Variants in DNAI7 observed in about 807,000 individuals in gnomAD.
DNAI7 encodes dynein axonemal intermediate chain 7, also known as cancer susceptibility 1.
A neutral mutation model predicts 86.6 loss-of-function variants in DNAI7; 78 were observed. The observed-to-expected ratio is 0.90, with a 90% confidence interval of 0.75 to 1.09. The LOEUF (loss-of-function observed/expected upper bound fraction) is 1.09. Among genes scored for constraint, DNAI7 ranks in the 50% least tolerant of loss-of-function variants. DNAI7 has a pLI of 0.00. For missense variants in DNAI7, 753 were observed against 810.2 expected (o/e 0.93, Z 0.86); for synonymous variants, 274 against 273.0 (o/e 1.00, Z -0.04).
intron 2 of DNAI7, among the ~76,000 whole-genome samples, chr12:25,167,191 C>A (rs1004157146): frequency 1.3e-5 from 2 of 152,208 alleles, no homozygotes; most frequent in Admixed American, 1.3e-4. Flanking sequence ...TACAAGCCAC[C>A]AGCCCACCTC....
chr12:25,116,860 A>C lies in DNAI7; in HGVS notation c.1397-1990T>G, dbSNP rs866477614. On this transcript the variant is annotated intron_variant, in intron 12 of 15. Transcript: ENST00000395987. ...ACCATTAAAGTGACACCTCTGAAAC[A>C]ATATCAAAAGAGATACAGTTGTTCA... Among the ~76,000 whole-genome samples, 4 of 152,370 alleles carry C rather than the reference A, an allele frequency of 2.6e-5. No homozygotes were observed. The South Asian group carries it at 6.2e-4, about 24-fold the overall frequency.
chr12:25,118,204 A>C (rs1343502161), intron 12 of DNAI7, among the ~76,000 whole-genome samples: 1 of 151,890 alleles, frequency 6.6e-6, no homozygotes, highest in African/African-American at 2.4e-5. Context: ...AAGTGCTGGG[A>C]TTACAGGCGT....
chr12:25,121,429 C>T (rs1322953460), intron 11 of DNAI7, among the ~76,000 whole-genome samples: 1 of 152,170 alleles, frequency 6.6e-6, no homozygotes, highest in Non-Finnish European at 1.5e-5. Flanking sequence ...AAATATTTAC[C>T]ATCTGGCCTG....
At chr12:25,155,821 C>T (rs1304465714) in intron 4 of DNAI7, among the ~76,000 whole-genome samples, 1 of 152,152 alleles carries the variant, frequency 6.6e-6, no homozygotes, top group African/African-American at 2.4e-5. Context: ...CAAAAGAATG[C>T]CCGGATGGAT....
chr12:25,164,299 G>A (rs532196822), intron 2 of DNAI7, among the ~76,000 whole-genome samples: 11 of 150,142 alleles, frequency 7.3e-5, no homozygotes, highest in African/African-American at 2.0e-4. Context: ...CCTTCTCTCC[G>A]TGTCTCTACC....
intron 13 of DNAI7, 26 bp downstream of exon 13, chr12:25,114,630 A>T: frequency 6.7e-7 from 1 of 1,482,840 alleles, no homozygotes; most frequent in Non-Finnish European, 9.4e-7. Context: ...ATACGATAGT[A>T]CATAACAGCT....
At chr12:25,173,245 T>C (rs1948333859) in intron 2 of DNAI7, among the ~76,000 whole-genome samples, 2 of 151,576 alleles carry the variant, frequency 1.3e-5, no homozygotes, top group Admixed American at 1.3e-4. Flanking sequence ...CTCAAGCACA[T>C]CAGTAAGAAA....
intron 6 of DNAI7, among the ~76,000 whole-genome samples, chr12:25,153,659 A>AACTAAC (rs1945823523): frequency 6.6e-6 from 1 of 152,214 alleles, no homozygotes; most frequent in Non-Finnish European, 1.5e-5. Context: ...ATGCTAAGCC[A>AACTAAC]TAGCAGTTAG....
At position 25,158,415 on chromosome 12, in the gene DNAI7, TA is replaced by T; in HGVS notation, c.198+56del. 6.5e-6 allele frequency: 9 copies of T among 1,389,698 alleles called. No homozygotes were observed. In the East Asian group the frequency reaches 1.9e-4, roughly 29 times the overall value. 86.1% of individuals were successfully genotyped at this position (1,389,698 alleles called of 1,614,324 possible). ...GGCTGAGAAGGACATTAAATGACAA[TA>T]AATCTGATAGCCATAGTTTAAGTAT... On this transcript the variant is annotated intron_variant, in intron 4 of 15. Transcript: ENST00000395987.
At chr12:25,188,423 A>G (rs2141362735) in intron 2 of DNAI7, among the ~76,000 whole-genome samples, 1 of 152,304 alleles carries the variant, frequency 6.6e-6, no homozygotes, top group East Asian at 1.9e-4. Flanking sequence ...ATTTTGTACC[A>G]TGTGTGTTCA....
chr12:25,149,871 TC>T, intron 6 of DNAI7, 97 bp from the exon 7 acceptor site: 1 of 683,688 alleles, frequency 1.5e-6, no homozygotes, highest in Non-Finnish European at 2.4e-6. Flanking sequence ...GAGGAACACA[TC>T]CTTAGCAAAA....
chr12:25,150,932 A>G (rs1297585443), intron 6 of DNAI7, among the ~76,000 whole-genome samples: 1 of 152,238 alleles, frequency 6.6e-6, no homozygotes, highest in Non-Finnish European at 1.5e-5. Flanking sequence ...TAAATGCTGT[A>G]TATGTTTTAA....
intron 9 of DNAI7, among the ~76,000 whole-genome samples, chr12:25,134,352 C>CCTT (rs766442145): frequency 1.1e-5 from 1 of 91,178 alleles, no homozygotes; most frequent in Admixed American, 1.6e-4. Context: ...CCTTGGCGTA[C>CCTT]TTTTTTTTTT....
intron 2 of DNAI7, among the ~76,000 whole-genome samples, chr12:25,187,205 A>G (rs1363632893): frequency 6.6e-6 from 1 of 151,936 alleles, no homozygotes; most frequent in Non-Finnish European, 1.5e-5. Flanking sequence ...TTCACTTTCT[A>G]CCTCACTGTC....
Position 25,108,824 on chromosome 12 carries a change from C to CAAAAAAAAAAAAAAA in DNAI7, c.1894-2_1894-1insTTTTTTTTTTTTTTT, listed in dbSNP as rs762585984. The CAAAAAAAAAAAAAAA allele has an allele frequency of 8.8e-5, 10 of 113,542 alleles. 2 individuals carry two copies. The highest frequency in any genetic ancestry group is 5.2e-4 in the South Asian group (1 of 1,916). 7.0% of individuals were successfully genotyped at this position (113,542 alleles called of 1,614,324 possible). ...ATGCTTCAGTAAGGTGTTCCCTCAC[C>CAAAAAAAAAAAAAAA]TAAAAAAAAAAAAAATTCAAGCAAG... On this transcript the variant is annotated splice_acceptor_variant, in intron 15 of 15. Transcript: ENST00000395987. LOFTEE classifies it high-confidence loss of function.
intron 9 of DNAI7, among the ~76,000 whole-genome samples, chr12:25,138,879 A>AAAC (rs1943863162): frequency 9.3e-6 from 1 of 107,288 alleles, no homozygotes. Context: ...AATGAAATTG[A>AAAC]AACAAAAAAA....
At chr12:25,190,868 G>A (rs1285629829) in intron 1 of DNAI7, among the ~76,000 whole-genome samples, 1 of 152,118 alleles carries the variant, frequency 6.6e-6, no homozygotes, top group Non-Finnish European at 1.5e-5. Context: ...TTCACCTACT[G>A]AACCATTTTT....
At chr12:25,194,071 C>T (rs563898639) in intron 1 of DNAI7, among the ~76,000 whole-genome samples, 3 of 152,190 alleles carry the variant, frequency 2.0e-5, no homozygotes, top group Non-Finnish European at 4.4e-5. Flanking sequence ...CTGCCCGCCT[C>T]GGCCTCCCAA....
intron 9 of DNAI7, among the ~76,000 whole-genome samples, chr12:25,128,938 A>G (rs1942503358): frequency 6.6e-6 from 1 of 152,086 alleles, no homozygotes; most frequent in African/African-American, 2.4e-5. Context: ...TCCCCACTAC[A>G]TTTACAATAA....
Sources: allele counts gnomAD v4.1 joint callset (sites outside exome capture counted in the v4.1 genomes callset), GRCh38; gene constraint gnomAD v4.1.1; transcripts MANE v1.5; gene names NCBI Gene and HGNC (gene_info 2026-07-23, HGNC 2026-07-21).